Variants in DPH6 observed in about 807,000 individuals in gnomAD.
DPH6 encodes the protein diphthamine biosynthesis 6.
In DPH6, 33 loss-of-function variants were observed where a neutral mutation model predicts 38.2. The observed-to-expected ratio is 0.86, with a 90% confidence interval of 0.65 to 1.15. DPH6 has a LOEUF of 1.15. Among genes scored for constraint, DPH6 ranks in the 50% most tolerant of loss-of-function variants. DPH6 has a pLI of 0.00. For synonymous variants in DPH6, 108 were observed against 103.0 expected (o/e 1.05, Z -0.30); for missense variants, 325 against 320.0 (o/e 1.02, Z -0.12).
At chr15:35,368,712 G>A (rs2052683847), downstream of DPH6, among the ~76,000 whole-genome samples, 1 of 151,894 alleles carries the variant, frequency 6.6e-6, no homozygotes, top group African/African-American at 2.4e-5. Context: ...CTGTGGTTGA[G>A]TTACTATGAG....
intron 3 of DPH6, among the ~76,000 whole-genome samples, chr15:35,537,808 C>G (rs2055192600): frequency 6.6e-6 from 1 of 152,082 alleles, no homozygotes; most frequent in Non-Finnish European, 1.5e-5. Flanking sequence ...CCTCATATTA[C>G]TCTTCACTAT....
At chr15:35,419,138 C>T (rs1301404190) in intron 5 of DPH6, among the ~76,000 whole-genome samples, 1 of 151,756 alleles carries the variant, frequency 6.6e-6, no homozygotes, top group African/African-American at 2.4e-5. Context: ...TACTGGCTAA[C>T]AGAACAAGTA....
intron 3 of DPH6, among the ~76,000 whole-genome samples, chr15:35,481,142 A>C (rs1182238781): frequency 6.6e-6 from 1 of 152,156 alleles, no homozygotes; most frequent in Non-Finnish European, 1.5e-5. Context: ...AGACTGAGGA[A>C]CTAATTTTTA....
chr15:35,326,323 A>G (rs1480887233), downstream of DPH6, among the ~76,000 whole-genome samples: 1 of 152,176 alleles, frequency 6.6e-6, no homozygotes, highest in African/African-American at 2.4e-5. Context: ...TTAAAGCTCA[A>G]TTGTCTTTGC....
At chr15:35,447,930 T>G (rs1333084275) in intron 5 of DPH6, among the ~76,000 whole-genome samples, 1 of 152,218 alleles carries the variant, frequency 6.6e-6, no homozygotes, top group East Asian at 1.9e-4. Flanking sequence ...CCTTTCATAG[T>G]CAATGTTACT....
chr15:35,408,156 A>G (rs2053319690), intron 6 of DPH6, among the ~76,000 whole-genome samples: 1 of 151,976 alleles, frequency 6.6e-6, no homozygotes, highest in Non-Finnish European at 1.5e-5. Flanking sequence ...AGATCATGTT[A>G]ATGAGTTAGA....
intron 3 of DPH6, among the ~76,000 whole-genome samples, chr15:35,228,161 A>T (rs2051494967): frequency 6.6e-6 from 1 of 152,206 alleles, no homozygotes; most frequent in Non-Finnish European, 1.5e-5. Context: ...GTAGACCAAC[A>T]TTGTTTGCAT....
chr15:35,209,449 C>A, the DPH6 span, among the ~76,000 whole-genome samples: 8 of 152,094 alleles, frequency 5.3e-5, no homozygotes, highest in African/African-American at 1.9e-4. Context: ...CACACCAGGG[C>A]ACAGATATCA....
At chr15:35,313,909 C>T (rs1168360099) in intron 3 of DPH6, among the ~76,000 whole-genome samples, 1 of 151,934 alleles carries the variant, frequency 6.6e-6, no homozygotes, top group Non-Finnish European at 1.5e-5. Context: ...GTGTAAGACA[C>T]CAAAAGCACA....
chr15:35,504,381 C>G (rs1443824), intron 3 of DPH6, among the ~76,000 whole-genome samples: 94,298 of 151,774 alleles, frequency 0.62, 33,324 homozygotes, highest in South Asian at 0.82. Flanking sequence ...AAGTCATCTT[C>G]TCACTCTTGA....
intron 5 of DPH6, among the ~76,000 whole-genome samples, chr15:35,441,154 C>G (rs7183543): frequency 0.21 from 31,782 of 151,966 alleles, 4,226 homozygotes; most frequent in African/African-American, 0.38. Flanking sequence ...AAAAAGTCAG[C>G]AATCAACAGT....
At chr15:35,151,595 T>A in the DPH6 span, among the ~76,000 whole-genome samples, 2 of 152,238 alleles carry the variant, frequency 1.3e-5, no homozygotes, top group Admixed American at 6.5e-5. Context: ...CCCAGCGACG[T>A]GCACTGTAGG....
intron 3 of DPH6, among the ~76,000 whole-genome samples, chr15:35,496,565 AAAATAT>A (rs1213079287): frequency 4.5e-4 from 9 of 20,150 alleles, no homozygotes; most frequent in Admixed American, 1.1e-3. Flanking sequence ...CAAAAAAAAA[AAAATAT>A]ATATATATAT....
chr15:35,218,611 T>C (rs2051423783), exon 4 of DPH6: 1 of 152,224 alleles, frequency 6.6e-6, no homozygotes, highest in Non-Finnish European at 1.5e-5. Flanking sequence ...GGATTAATGC[T>C]ACAAAGTGGC....
intron 5 of DPH6, among the ~76,000 whole-genome samples, chr15:35,442,628 T>C (rs2141060464): frequency 6.6e-6 from 1 of 152,282 alleles, no homozygotes; most frequent in African/African-American, 2.4e-5. Context: ...ATGACTCAAA[T>C]GTCCATGGAC....
intron 6 of DPH6, chr15:35,401,383 A>T: frequency 1.3e-6 from 1 of 752,246 alleles, no homozygotes; most frequent in Admixed American, 1.8e-5. Context: ...GAATGGCTAT[A>T]ATGATTTTGG....
intron 3 of DPH6, among the ~76,000 whole-genome samples, chr15:35,232,353 G>A (rs987987384): frequency 2.0e-5 from 3 of 152,062 alleles, no homozygotes; most frequent in African/African-American, 4.8e-5. Context: ...AGGCCAAGGC[G>A]GGTGGATCAT....
intron 3 of DPH6, among the ~76,000 whole-genome samples, chr15:35,321,416 T>C (rs1004437504): frequency 1.3e-5 from 2 of 152,238 alleles, no homozygotes; most frequent in East Asian, 1.9e-4. Flanking sequence ...AATATTTTCA[T>C]CTAGATATAG....
intron 5 of DPH6, among the ~76,000 whole-genome samples, chr15:35,440,657 C>T (rs1409938421): frequency 6.6e-6 from 1 of 152,148 alleles, no homozygotes. Context: ...AGGCAGGAGG[C>T]AGATAAGGGA....
Sources: allele counts gnomAD v4.1 joint callset (sites outside exome capture counted in the v4.1 genomes callset), GRCh38; gene constraint gnomAD v4.1.1; transcripts MANE v1.5; gene names NCBI Gene and HGNC (gene_info 2026-07-23, HGNC 2026-07-21).